Variants in COX5A observed in about 807,000 individuals in gnomAD.
COX5A encodes cytochrome c oxidase subunit 5A, mitochondrial.
A neutral mutation model predicts 16.1 loss-of-function variants in COX5A; 6 were observed. That is an observed-to-expected ratio of 0.37 (90% confidence interval 0.20 to 0.73). The LOEUF (loss-of-function observed/expected upper bound fraction) is 0.73, where lower values mean the gene tolerates loss of function less well. Ranked by LOEUF, COX5A falls within the 30% of genes least tolerant of loss-of-function variation. The probability of loss-of-function intolerance (pLI) is 0.50; values close to 1 mark genes in which losing one functional copy is unlikely to be tolerated. For missense variants in COX5A, 159 were observed against 194.9 expected, an observed-to-expected ratio of 0.82 and a Z score of 1.10; for synonymous variants, 73 against 73.8, an observed-to-expected ratio of 0.99 and a Z score of 0.06.
chr15:74,925,202 A>C (rs976486390), intron 3 of COX5A, among the ~76,000 whole-genome samples: 3 of 151,802 alleles, frequency 2.0e-5, no homozygotes, highest in Admixed American at 6.6e-5. Context: ...CGGGAGGCTG[A>C]GGCAGAAGAA....
At chr15:74,931,128 T>C (rs1231350943) in intron 1 of COX5A, among the ~76,000 whole-genome samples, 3 of 150,884 alleles carry the variant, frequency 2.0e-5, no homozygotes, top group Admixed American at 6.6e-5. Context: ...CTACAGCCCC[T>C]TCCCAAAATA....
chr15:74,924,456 G>C (rs192506827), intron 3 of COX5A, among the ~76,000 whole-genome samples: 82 of 152,236 alleles, frequency 5.4e-4, no homozygotes, highest in Admixed American at 1.1e-3. Context: ...GGGAGGCGGA[G>C]GTTGCAGTGA....
At chr15:74,937,123 C>A (rs1294226347) in intron 1 of COX5A, among the ~76,000 whole-genome samples, 1 of 152,036 alleles carries the variant, frequency 6.6e-6, no homozygotes, top group Non-Finnish European at 1.5e-5. Context: ...GGACTCAAAA[C>A]CTCCCAGCAC....
At chr15:74,923,008 C>G (rs1357770754) in intron 4 of COX5A, among the ~76,000 whole-genome samples, 1 of 152,136 alleles carries the variant, frequency 6.6e-6, no homozygotes, top group Non-Finnish European at 1.5e-5. Flanking sequence ...ATAAAAGTAT[C>G]TGAAAATCTG....
chr15:74,922,631 A>G (rs1276274267), intron 4 of COX5A, among the ~76,000 whole-genome samples: 1 of 150,870 alleles, frequency 6.6e-6, no homozygotes, highest in Non-Finnish European at 1.5e-5. Context: ...CTGAGCTTAC[A>G]GGCATGAGCC....
At chr15:74,924,247 T>C (rs145640653) in intron 3 of COX5A, among the ~76,000 whole-genome samples, 1,745 of 151,156 alleles carry the variant, frequency 0.012, 15 homozygotes, top group Non-Finnish European at 0.019. Flanking sequence ...GTTCGGTAAG[T>C]AGGGCAACTT....
chr15:74,925,790 A>T (rs2065340525), intron 3 of COX5A, among the ~76,000 whole-genome samples: 1 of 152,172 alleles, frequency 6.6e-6, no homozygotes, highest in Admixed American at 6.5e-5. Flanking sequence ...AACATTTCGT[A>T]TGACAAATAG....
chr15:74,927,960 C>T (rs2065351156), intron 2 of COX5A, among the ~76,000 whole-genome samples: 1 of 152,140 alleles, frequency 6.6e-6, no homozygotes, highest in Non-Finnish European at 1.5e-5. Flanking sequence ...GGCATGATTA[C>T]TTTCAGATCT....
At chr15:74,923,589 T>G in intron 4 of COX5A, 59 bp downstream of exon 4, 1 of 967,964 alleles carries the variant, frequency 1.0e-6, no homozygotes, top group Non-Finnish European at 1.7e-6. Flanking sequence ...CACTGAAATG[T>G]CATCCACCCA....
intron 2 of COX5A, 35 bp from the exon 3 acceptor site, chr15:74,926,922 G>A (rs374333292): frequency 1.6e-4 from 250 of 1,601,552 alleles, no homozygotes; most frequent in Non-Finnish European, 1.8e-4. Context: ...TGTCAACCTC[G>A]AAGAGCCTCA....
At chr15:74,924,455 A>T (rs2065334848) in intron 3 of COX5A, among the ~76,000 whole-genome samples, 1 of 152,128 alleles carries the variant, frequency 6.6e-6, no homozygotes, top group South Asian at 2.1e-4. Flanking sequence ...AGGGAGGCGG[A>T]GGTTGCAGTG....
chr15:74,925,219 G>C (rs2065338179), intron 3 of COX5A, among the ~76,000 whole-genome samples: 1 of 151,804 alleles, frequency 6.6e-6, no homozygotes, highest in Non-Finnish European at 1.5e-5. Flanking sequence ...AGAATTGCTT[G>C]AACCCAGGAG....
intron 3 of COX5A, among the ~76,000 whole-genome samples, chr15:74,926,101 G>A (rs1217803820): frequency 6.8e-5 from 10 of 147,332 alleles, no homozygotes; most frequent in Non-Finnish European, 1.3e-4. Context: ...GTGCAGTGGC[G>A]CTGTCTTGGC....
At chr15:74,923,499 C>A in intron 4 of COX5A, 149 bp downstream of exon 4, 1 of 520,850 alleles carries the variant, frequency 1.9e-6, no homozygotes, top group South Asian at 3.1e-5. Flanking sequence ...TTTAAATTTA[C>A]CATTACTGGT....
At chr15:74,926,423 G>A (rs1255808281) in intron 3 of COX5A, among the ~76,000 whole-genome samples, 1 of 150,342 alleles carries the variant, frequency 6.7e-6, no homozygotes. Context: ...TGATCCACCC[G>A]CCTTAGCCTC....
At chr15:74,932,492 C>T (rs377302414) in intron 1 of COX5A, among the ~76,000 whole-genome samples, 1 of 151,822 alleles carries the variant, frequency 6.6e-6, no homozygotes, top group South Asian at 2.1e-4. Context: ...ACCCAGAAAC[C>T]TCTCAACATT....
intron 4 of COX5A, 71 bp from the exon 5 acceptor site, chr15:74,920,513 C>A: frequency 1.5e-6 from 1 of 667,818 alleles, no homozygotes; most frequent in South Asian, 1.7e-5. Context: ...AAAAATAACC[C>A]TTAGTGCTAC....
chr15:74,925,956 C>A (rs2141271231), intron 3 of COX5A, among the ~76,000 whole-genome samples: 1 of 151,768 alleles, frequency 6.6e-6, no homozygotes, highest in East Asian at 1.9e-4. Flanking sequence ...ACCTCCGCCT[C>A]CCGGGTTCAA....
At chr15:74,934,632 T>G (rs981292041) in intron 1 of COX5A, among the ~76,000 whole-genome samples, 2 of 152,132 alleles carry the variant, frequency 1.3e-5, no homozygotes, top group African/African-American at 4.8e-5. Flanking sequence ...TGCCCGGCCA[T>G]GATTTAAATT....
Sources: allele counts gnomAD v4.1 joint callset (sites outside exome capture counted in the v4.1 genomes callset), GRCh38; gene constraint gnomAD v4.1.1; transcripts MANE v1.5; gene names NCBI Gene and HGNC (gene_info 2026-07-23, HGNC 2026-07-21).